The following BICC1 variants were observed in gnomAD, a reference collection of about 807,000 sequenced individuals.
BICC1 encodes the protein protein bicaudal C homolog 1.
BICC1 carries 43 observed loss-of-function variants against 111.0 expected under a neutral mutation model. The ratio of observed to expected loss-of-function variants is 0.39; its 90% confidence interval spans 0.30 to 0.50. The LOEUF (loss-of-function observed/expected upper bound fraction) is 0.50, where lower values mean the gene tolerates loss of function less well. BICC1 is among the 20% of genes least tolerant of loss of function. BICC1 has a pLI of 0.88. For synonymous variants in BICC1, 467 were observed against 434.4 expected, an observed-to-expected ratio of 1.07 and a Z score of -0.93; for missense variants, 1,091 against 1,203.2, an observed-to-expected ratio of 0.91 and a Z score of 1.38.
chr10:58,785,489 A>G (rs975440007), intron 4 of BICC1, among the ~76,000 whole-genome samples: 10 of 152,110 alleles, frequency 6.6e-5, no homozygotes, highest in Non-Finnish European at 1.5e-5. Context: ...ATGATCTTCT[A>G]TATAGCTCTG....
At chr10:58,736,584 A>G (rs181715333) in intron 3 of BICC1, among the ~76,000 whole-genome samples, 4 of 152,306 alleles carry the variant, frequency 2.6e-5, no homozygotes, top group Admixed American at 6.5e-5. Context: ...TTTAAGAAAC[A>G]CTGTAATGCC....
chr10:58,551,588 C>T (rs1437593704), intron 1 of BICC1, among the ~76,000 whole-genome samples: 1 of 152,098 alleles, frequency 6.6e-6, no homozygotes, highest in African/African-American at 2.4e-5. Context: ...ATCTCTTGAA[C>T]TTACTTTTCT....
chr10:58,780,490 AGATTTTT>A (rs1842855381), intron 3 of BICC1, among the ~76,000 whole-genome samples: 1 of 152,172 alleles, frequency 6.6e-6, no homozygotes, highest in Non-Finnish European at 1.5e-5. Flanking sequence ...AAGTGGCTAC[AGATTTTT>A]GATGAAAGAT....
At chr10:58,589,257 T>A (rs766402936) in intron 1 of BICC1, among the ~76,000 whole-genome samples, 1 of 152,140 alleles carries the variant, frequency 6.6e-6, no homozygotes, top group Non-Finnish European at 1.5e-5. Flanking sequence ...GGGGATCACC[T>A]TCTGCATAAA....
chr10:58,653,144 A>G (rs532931701), intron 2 of BICC1, among the ~76,000 whole-genome samples: 1 of 152,304 alleles, frequency 6.6e-6, no homozygotes, highest in Non-Finnish European at 1.5e-5. Context: ...ACTCTAAAAT[A>G]TGAAGTATAT....
chr10:58,668,252 A>AGTTT (rs1839077434), intron 2 of BICC1, among the ~76,000 whole-genome samples: 1 of 152,100 alleles, frequency 6.6e-6, no homozygotes, highest in African/African-American at 2.4e-5. Context: ...ACCAATTTAT[A>AGTTT]CAAAAAGTAG....
In BICC1 at chr10:58,518,594, G is replaced by C. The variant is rs1233006987; in HGVS notation, c.190+5261G>C. 2.8e-3 allele frequency among the ~76,000 whole-genome samples: 341 copies of C among 123,242 alleles called. 13 individuals are homozygous for C. Among genetic ancestry groups the C allele is most frequent in the African/African-American group, 0.012 (329 of 28,156 alleles). 80.9% of individuals were successfully genotyped at this position (123,242 alleles called of 152,430 possible). A position where few individuals can be genotyped will look rare whatever the true frequency, so the allele number is the denominator to read the frequency against. ...ATCCTTTGTGTATGTGTGTGTTGGGGGGGGGGGGGTGTGTTTGATGTGTTT... is the reference window on the plus strand; with the variant it reads ...ATCCTTTGTGTATGTGTGTGTTGGGCGGGGGGGGGTGTGTTTGATGTGTTT... On this transcript the variant is annotated intron_variant, in intron 1 of 20. Coordinates refer to ENST00000373886, the MANE Select transcript of BICC1 (RefSeq NM_001080512.3).
chr10:58,674,551 A>C (rs758844935), intron 2 of BICC1, among the ~76,000 whole-genome samples: 7 of 152,014 alleles, frequency 4.6e-5, no homozygotes, highest in Non-Finnish European at 1.0e-4. Context: ...TGAGTCAGGC[A>C]CTCTTGATTA....
chr10:58,602,912 T>C lies in BICC1; in HGVS notation c.191-17943T>C, dbSNP rs533050572. ...ACTTACTCCGTAAACCTCTGGATTA[T>C]AGACTTGGTCTTCTTGAGTAAAGAA... On this transcript the variant is annotated intron_variant, in intron 1 of 20. Coordinates refer to ENST00000373886, the MANE Select transcript of BICC1 (RefSeq NM_001080512.3). Among the ~76,000 whole-genome samples the C allele has an allele frequency of 7.9e-5, 12 of 152,336 alleles. No individual in the cohort carries two copies. The South Asian group carries it at 1.0e-3, about 13-fold the overall frequency.
At chr10:58,572,430 C>T (rs1306000207) in intron 1 of BICC1, among the ~76,000 whole-genome samples, 4 of 152,164 alleles carry the variant, frequency 2.6e-5, no homozygotes, top group South Asian at 2.1e-4. Context: ...TAATTAAAGA[C>T]TTGTTTAATC....
intron 2 of BICC1, among the ~76,000 whole-genome samples, chr10:58,648,073 A>G (rs1174249871): frequency 1.3e-5 from 2 of 152,094 alleles, no homozygotes; most frequent in East Asian, 3.9e-4. Flanking sequence ...ATTAGAAAAG[A>G]TTTTCGGAAA....
At chr10:58,662,028 C>G (rs1206734633) in intron 2 of BICC1, among the ~76,000 whole-genome samples, 1 of 152,134 alleles carries the variant, frequency 6.6e-6, no homozygotes, top group Non-Finnish European at 1.5e-5. Flanking sequence ...TTCTAAATTT[C>G]CATGTATTGT....
At chr10:58,561,736 A>G (rs1272653942) in intron 1 of BICC1, among the ~76,000 whole-genome samples, 2 of 151,848 alleles carry the variant, frequency 1.3e-5, no homozygotes, top group Non-Finnish European at 1.5e-5. Flanking sequence ...TTATACTTTC[A>G]TATGCTTTCA....
intron 2 of BICC1, among the ~76,000 whole-genome samples, chr10:58,643,565 T>G (rs1348274655): frequency 6.6e-6 from 1 of 152,206 alleles, no homozygotes; most frequent in Non-Finnish European, 1.5e-5. Flanking sequence ...TATTTTATCC[T>G]TTGTTCCAAA....
chr10:58,823,240 C>T, intron 20 of BICC1: 1 of 985,284 alleles, frequency 1.0e-6, no homozygotes. Context: ...TGACTCTGTT[C>T]AGATCCGCAA....
At chr10:58,748,849 C>T (rs1841908661) in intron 3 of BICC1, among the ~76,000 whole-genome samples, 2 of 152,258 alleles carry the variant, frequency 1.3e-5, no homozygotes, top group South Asian at 4.1e-4. Flanking sequence ...GCAGCTGCTG[C>T]TGCTGTTTTG....
chr10:58,579,317 G>T (rs1378400857), intron 1 of BICC1, among the ~76,000 whole-genome samples: 1 of 152,150 alleles, frequency 6.6e-6, no homozygotes, highest in Non-Finnish European at 1.5e-5. Context: ...TTATTTTTGG[G>T]TTATGCTGCT....
At chr10:58,531,821 T>C (rs1485978680) in intron 1 of BICC1, among the ~76,000 whole-genome samples, 1 of 151,848 alleles carries the variant, frequency 6.6e-6, no homozygotes, top group East Asian at 1.9e-4. Flanking sequence ...CAGCAGACTT[T>C]ATTAAGCAAG....
intron 2 of BICC1, among the ~76,000 whole-genome samples, chr10:58,687,877 A>G (rs1839788986): frequency 6.6e-6 from 1 of 152,136 alleles, no homozygotes; most frequent in African/African-American, 2.4e-5. Flanking sequence ...GACAAGCCCC[A>G]GTGAGATGAA....
Sources: gnomAD v4.1 joint callset for allele counts (sites outside exome capture counted in the v4.1 genomes callset) on GRCh38, gnomAD v4.1.1 for gene constraint, MANE v1.5 for transcripts, NCBI Gene and HGNC (gene_info 2026-07-23, HGNC 2026-07-21) for gene names.